The following SCN1A variants were observed in gnomAD, a reference collection of about 807,000 sequenced individuals.
SCN1A encodes sodium voltage-gated channel alpha subunit 1.
Under a neutral mutation model 193.7 loss-of-function variants are expected in SCN1A, and 13 were observed. The ratio of observed to expected loss-of-function variants is 0.07; its 90% CI spans 0.04 to 0.11. The LOEUF (loss-of-function observed/expected upper bound fraction) is 0.11, where lower values mean the gene tolerates loss of function less well. SCN1A is among the 10% of genes least tolerant of loss of function. The pLI, the probability that SCN1A is intolerant of heterozygous loss-of-function variation, is 1.00. For missense variants in SCN1A, 1,432 were observed against 2,451.1 expected, an observed-to-expected ratio of 0.58 and a Z score of 8.78; for synonymous variants, 781 against 843.6, an observed-to-expected ratio of 0.93 and a Z score of 1.29.
chr2:166,043,983 A>G lies in SCN1A; in HGVS notation c.1729T>C (p.Phe577Leu). ...RRNSRTSLFS[F>L]RGRAKDVGSE... is the part of the protein sequence containing the mutation. ...CCCACATCCTTTGCTCGCCCTCTAA[A>G]GCTGAAAAGGCTTGTTCTGCTATTT... Residue 577 changes from phenylalanine to leucine, a missense_variant, in exon 14 of 29, where the codon TTT becomes CTT. Physicochemically the swap from Phe to Leu is conservative, Grantham distance 22. Around this residue, in one of 18 missense-constraint regions of SCN1A, gnomAD observed 316 missense variants for 362.1 expected, o/e 0.87. Coordinates refer to ENST00000674923, the MANE Select transcript of SCN1A (RefSeq NM_001165963.4). 6.2e-7 allele frequency: 1 copy of G among 1,614,130 alleles called. No homozygotes were observed. The highest frequency in any genetic ancestry group is 1.7e-5 in the Admixed American group (1 of 60,016).
intron 3 of SCN1A, 89 bp from the exon 4 acceptor site, chr2:166,073,759 A>G (rs1684725828): frequency 1.0e-6 from 1 of 990,490 alleles, no homozygotes; most frequent in Non-Finnish European, 1.5e-6. Context: ...GAGCTAGAGG[A>G]TTTAAAGTCT....
chr2:166,124,640 C>T (rs537983053), intron 2 of SCN1A, among the ~76,000 whole-genome samples: 3 of 152,168 alleles, frequency 2.0e-5, no homozygotes, highest in Non-Finnish European at 4.4e-5. Context: ...TGTCAGAAAG[C>T]AGATGAATTA....
rs146129812 is a variant in SCN1A at position 166,097,044 on chromosome 2, C to T, written c.-141-19243G>A. On this transcript the variant is annotated intron_variant, in intron 2 of 28. Transcript: ENST00000674923. ...GTTTTTGTTTTTGTGTTTTTGGAGA[C>T]GGGGTCAGGCTCTGTTGCCCGGGCT... is the stretch of plus-strand genomic sequence containing the variant. Among the ~76,000 whole-genome samples, 829 of 151,366 alleles carry T rather than the reference C, an allele frequency of 5.5e-3. 15 individuals carry two copies. In the East Asian group the frequency reaches 0.064, roughly 12 times the overall value.
rs565418050 is a variant in SCN1A at position 166,067,623 on chromosome 2, G to A, written c.264+5735C>T. Among the ~76,000 whole-genome samples, 7 of 151,502 alleles carry A rather than the reference G, an allele frequency of 4.6e-5. No individual in the cohort carries two copies. In the East Asian group the frequency reaches 1.2e-3, roughly 25 times the overall value. ...TTATTATTTTTAAATAAAGACAAGA[G>A]CTATCTTGAAAGAATCTGTGGATTA... On this transcript the variant is annotated intron_variant, in intron 4 of 28. Coordinates refer to ENST00000674923, the MANE Select transcript of SCN1A (RefSeq NM_001165963.4).
chr2:166,102,560 A>C lies in SCN1A; in HGVS notation c.-142+24364T>G, dbSNP rs544083483. The stretch of plus-strand genomic sequence containing the variant: ...AGTCAGAAAATAACAGATGTTGGCA[A>C]GGTTGTGGGGAAAAGGGAACACTTA... On this transcript the variant is annotated intron_variant, in intron 2 of 28. Transcript: ENST00000674923. Among the ~76,000 whole-genome samples, 19 of 151,894 alleles carry C rather than the reference A, an allele frequency of 1.3e-4. No individual in the cohort carries two copies. In the East Asian group the frequency reaches 2.7e-3, roughly 22 times the overall value.
chr2:166,043,976 C>G lies in SCN1A; in HGVS notation c.1736G>C (p.Gly579Ala). ...NSRTSLFSFR[G>A]RAKDVGSEND... The stretch of plus-strand genomic sequence containing the variant: ...CTCAGATCCCACATCCTTTGCTCGC[C>G]CTCTAAAGCTGAAAAGGCTTGTTCT... Residue 579 changes from glycine (G) to alanine (A), a missense_variant, in exon 14 of 29, where the codon GGG (glycine) becomes GCG (alanine). This residue lies in a region of SCN1A where 316 missense variants were observed against 362.1 expected (regional missense o/e 0.87). Coordinates refer to ENST00000674923, the MANE Select transcript of SCN1A (RefSeq NM_001165963.4). 3 of 1,614,088 alleles carry G rather than the reference C, an allele frequency of 1.9e-6. No homozygotes were observed. Among genetic ancestry groups the G allele is most frequent in the Non-Finnish European group, 2.5e-6 (3 of 1,180,004 alleles).
intron 4 of SCN1A, among the ~76,000 whole-genome samples, chr2:166,066,694 T>A (rs867749442): frequency 2.7e-4 from 41 of 152,244 alleles, no homozygotes; most frequent in Middle Eastern, 3.4e-3. Context: ...GTCTGACACC[T>A]AAACACCTCC....
intron 11 of SCN1A, 138 bp from the exon 12 acceptor site, chr2:166,047,114 TTTA>T (rs1278202276): frequency 1.1e-6 from 1 of 951,510 alleles, no homozygotes; most frequent in Non-Finnish European, 1.6e-6. Flanking sequence ...GTACTTTTTT[TTTA>T]TTGTTTCTTT....
chr2:166,038,726 T>C (rs1157740920), intron 17 of SCN1A, among the ~76,000 whole-genome samples: 1 of 152,226 alleles, frequency 6.6e-6, no homozygotes, highest in Non-Finnish European at 1.5e-5. Flanking sequence ...TATTATAATA[T>C]TAACATCTGA....
At chr2:166,121,207 C>T (rs996597790) in intron 2 of SCN1A, among the ~76,000 whole-genome samples, 34 of 151,868 alleles carry the variant, frequency 2.2e-4, no homozygotes, top group African/African-American at 7.3e-4. Flanking sequence ...CTTACAGAAA[C>T]CACCAAAAGT....
chr2:166,032,242 G>GATGCTCCTC (rs1553539047), intron 19 of SCN1A, among the ~76,000 whole-genome samples: 2 of 57,038 alleles, frequency 3.5e-5, no homozygotes, highest in African/African-American at 1.4e-4. Flanking sequence ...CACAGAGACA[G>GATGCTCCTC]AGAGAGAAAA....
intron 2 of SCN1A, among the ~76,000 whole-genome samples, chr2:166,099,355 C>T (rs1414051027): frequency 6.7e-6 from 1 of 150,368 alleles, no homozygotes; most frequent in Non-Finnish European, 1.5e-5. Flanking sequence ...ATTGATGGGA[C>T]GTATCTCAAA....
chr2:166,028,069 C>T (rs1361589712), intron 19 of SCN1A, among the ~76,000 whole-genome samples: 2 of 152,102 alleles, frequency 1.3e-5, no homozygotes, highest in Non-Finnish European at 2.9e-5. Flanking sequence ...TGTTTCTATT[C>T]TTTAGTCAAA....
chr2:166,009,793 C>T lies in SCN1A; in HGVS notation c.3928G>A (p.Gly1310Arg). ...AGTGTCCTGAGAGATTTGATGGCTC[C>T]AAGTTCTGAGTAACCCAAGGCATTT... ...TANALGYSEL[G>R]AIKSLRTLRA... The change falls in exon 23 of 29, where the codon GGA (glycine) becomes AGA (arginine). Residue 1310 changes from glycine (G) to arginine (R), a missense_variant. Coordinates refer to ENST00000674923, the MANE Select transcript of SCN1A (RefSeq NM_001165963.4). 5 of 1,607,380 alleles carry T rather than the reference C, an allele frequency of 3.1e-6. No homozygotes were observed. The highest frequency in any genetic ancestry group is 4.3e-6 in the Non-Finnish European group (5 of 1,175,306).
Position 165,991,435 on chromosome 2 carries a change from A to G in SCN1A, c.5840T>C (p.Ile1947Thr). Residue 1947 changes from isoleucine (I) to threonine (T), a missense_variant, in exon 29 of 29, where the codon ATC (isoleucine) becomes ACC (threonine). By Grantham distance (89) the Ile-to-Thr change is moderately conservative. Transcript: ENST00000674923. The part of the protein sequence containing the change: ...QASFTYNKNK[I>T]KGGANLLIKE... Reference sequence around the variant, plus strand: ...TATAAGAAGATTAGCCCCACCTTTGATTTTGTTTTTATTGTACGTAAAGGA... The same window carrying G: ...TATAAGAAGATTAGCCCCACCTTTGGTTTTGTTTTTATTGTACGTAAAGGA... 2 of 1,613,672 alleles carry G rather than the reference A, an allele frequency of 1.2e-6. No individual in the cohort carries two copies. The highest frequency in any genetic ancestry group is 1.7e-6 in the Non-Finnish European group (2 of 1,179,822).
At chr2:166,048,734 T>A in intron 10 of SCN1A, 152 bp downstream of exon 10, 1 of 644,914 alleles carries the variant, frequency 1.6e-6, no homozygotes, top group East Asian at 2.8e-5. Context: ...ATTTACATAA[T>A]CTCATACTTT....
At chr2:166,061,025 A>G (rs1290008175) in intron 4 of SCN1A, among the ~76,000 whole-genome samples, 1 of 152,196 alleles carries the variant, frequency 6.6e-6, no homozygotes. Context: ...GATAATGAGA[A>G]AGAAATGACA....
chr2:166,081,054 G>T (rs1685470315), intron 2 of SCN1A, among the ~76,000 whole-genome samples: 1 of 151,766 alleles, frequency 6.6e-6, no homozygotes, highest in Non-Finnish European at 1.5e-5. Context: ...GTTTCCCGTA[G>T]AAGAGGACAC....
At chr2:166,031,857 G>A (rs902307226) in intron 19 of SCN1A, among the ~76,000 whole-genome samples, 2 of 152,174 alleles carry the variant, frequency 1.3e-5, no homozygotes, top group African/African-American at 4.8e-5. Context: ...TTATTAGATA[G>A]GTAAAGTCAC....
Sources: allele counts gnomAD v4.1 joint callset (sites outside exome capture counted in the v4.1 genomes callset), GRCh38; gene constraint gnomAD v4.1.1; regional missense constraint gnomAD v4.1.1; transcripts MANE v1.5; gene names NCBI Gene and HGNC (gene_info 2026-07-23, HGNC 2026-07-21).